AGAP3: variants seen among roughly 807,000 people sequenced by gnomAD.
AGAP3 encodes arf-GAP with GTPase, ANK repeat and PH domain-containing protein 3.
In AGAP3, 24 loss-of-function variants were observed where a neutral mutation model predicts 96.9. That is an observed-to-expected ratio of 0.25 (90% CI 0.18 to 0.35). The LOEUF (loss-of-function observed/expected upper bound fraction) is 0.35, where lower values mean the gene tolerates loss of function less well. AGAP3 is among the 10% of genes least tolerant of loss of function. AGAP3 has a pLI of 1.00. For synonymous variants in AGAP3, 563 were observed against 536.1 expected, an observed-to-expected ratio of 1.05 and a Z score of -0.69; for missense variants, 876 against 1,254.2, an observed-to-expected ratio of 0.70 and a Z score of 4.55.
chr7:151,115,505 G>A, intron 1 of AGAP3: 8 of 1,023,808 alleles, frequency 7.8e-6, no homozygotes, highest in East Asian at 9.3e-5. Flanking sequence ...CAGCGCCGGA[G>A]CCCGGCCGCC....
intron 8 of AGAP3, chr7:151,122,819 A>G: frequency 6.2e-7 from 1 of 1,613,416 alleles, no homozygotes; most frequent in Non-Finnish European, 8.5e-7. Flanking sequence ...GCACCTCTGG[A>G]CATGCCCCCT....
chr7:151,128,093 C>T (rs1800251880), intron 9 of AGAP3, among the ~76,000 whole-genome samples: 1 of 152,096 alleles, frequency 6.6e-6, no homozygotes, highest in Non-Finnish European at 1.5e-5. Context: ...GATTTTCTGC[C>T]CTCTTATGGA....
At chr7:151,109,174 AAAAAAAC>A (rs1439387113) in intron 1 of AGAP3, among the ~76,000 whole-genome samples, 47 of 147,340 alleles carry the variant, frequency 3.2e-4, no homozygotes, top group Middle Eastern at 6.8e-3. Flanking sequence ...GTAAAAAAAA[AAAAAAAC>A]AAAAAACAAA....
intron 7 of AGAP3, 55 bp from the exon 8 acceptor site, chr7:151,119,932 G>T (rs1046139563): frequency 4.2e-5 from 67 of 1,589,546 alleles, no homozygotes; most frequent in Non-Finnish European, 5.6e-5. Flanking sequence ...CACCCGCCTG[G>T]TGCCCGTCCC....
In AGAP3 at chr7:151,108,001, C is replaced by T. The variant is rs1040866688; in HGVS notation, c.332-8792C>T. Among the ~76,000 whole-genome samples the T allele has an allele frequency of 2.6e-5, 4 of 152,208 alleles. No homozygotes were observed. Among genetic ancestry groups the T allele is most frequent in the African/African-American group, 7.2e-5 (3 of 41,452 alleles). ...GGTGTAGGATCCTCTGGCACGGCAC[C>T]GGCCCATGCGGGGGGTGCAGCACAT... On this transcript the variant is annotated intron_variant, in intron 1 of 17. Coordinates refer to ENST00000397238, the MANE Select transcript of AGAP3 (RefSeq NM_031946.7). This position sits in a 1 kb window ranked among gnomAD's most constrained non-coding sequence, Gnocchi z 4.2.
chr7:151,086,697 G>C lies in AGAP3; in HGVS notation c.-45G>C. On this transcript the variant is annotated 5_prime_UTR_variant, in exon 1 of 18. Transcript: ENST00000397238. ...CGCCGCCGCCGCCGCCGCCGCCTCCGCCGCGCCGCCCCGGGCCCGCCTCGG... is the reference window on the plus strand; with the variant it reads ...CGCCGCCGCCGCCGCCGCCGCCTCCCCCGCGCCGCCCCGGGCCCGCCTCGG... 2 of 312,836 alleles carry C rather than the reference G, an allele frequency of 6.4e-6. No individual in the cohort carries two copies. The highest frequency in any genetic ancestry group is 9.0e-6 in the Non-Finnish European group (2 of 221,424). The allele number at this position is 312,836 out of a possible 1,614,324, so 19.4% of individuals were successfully genotyped here.
In AGAP3 at chr7:151,108,006, C is replaced by T. The variant is rs1254545887; in HGVS notation, c.332-8787C>T. Reference sequence around the variant, plus strand: ...AGGATCCTCTGGCACGGCACCGGCCCATGCGGGGGGTGCAGCACATGCTGG... The same window carrying T: ...AGGATCCTCTGGCACGGCACCGGCCTATGCGGGGGGTGCAGCACATGCTGG... On this transcript the variant is annotated intron_variant, in intron 1 of 17. Transcript: ENST00000397238. This position sits in a 1 kb window ranked among gnomAD's most constrained non-coding sequence, Gnocchi z 4.2. Among the ~76,000 whole-genome samples the T allele has an allele frequency of 6.6e-6, 1 of 152,218 alleles. No individual in the cohort carries two copies.
At chr7:151,130,926 C>CA (rs1800378659) in intron 10 of AGAP3, 1 of 152,350 alleles carries the variant, frequency 6.6e-6, no homozygotes, top group Non-Finnish European at 1.5e-5. Context: ...CAGCAATGAG[C>CA]AGGCCACCTC....
intron 1 of AGAP3, among the ~76,000 whole-genome samples, chr7:151,098,129 C>A (rs1484698143): frequency 6.6e-6 from 1 of 151,940 alleles, no homozygotes; most frequent in African/African-American, 2.4e-5. Flanking sequence ...GAGGCCGAGG[C>A]AGGCAGATCA....
intron 1 of AGAP3, among the ~76,000 whole-genome samples, chr7:151,111,337 CA>C (rs1377619822): frequency 1.3e-5 from 2 of 152,336 alleles, no homozygotes; most frequent in African/African-American, 4.8e-5. Context: ...GAGCTGGCCA[CA>C]AGCTCCGGCT....
chr7:151,125,950 C>T (rs930544217), intron 9 of AGAP3, among the ~76,000 whole-genome samples: 1 of 151,962 alleles, frequency 6.6e-6, no homozygotes, highest in Non-Finnish European at 1.5e-5. Context: ...CGCAGCCGGC[C>T]GGCCGGGGAG....
intron 1 of AGAP3, chr7:151,090,662 G>A (rs1044011717): frequency 1.3e-5 from 2 of 152,446 alleles, no homozygotes; most frequent in African/African-American, 4.8e-5. Context: ...CGGTGCATGT[G>A]GCCGGGTACA....
At chr7:151,132,314 G>A (rs768925869) in intron 10 of AGAP3, among the ~76,000 whole-genome samples, 6 of 152,188 alleles carry the variant, frequency 3.9e-5, no homozygotes, top group African/African-American at 4.8e-5. Flanking sequence ...CTGATTCCTC[G>A]GTTATGTCGT....
rs190169497 is a variant in AGAP3, at chr7:151,104,989, G to A, written c.332-11804G>A. On this transcript the variant is annotated intron_variant, in intron 1 of 17. Transcript: ENST00000397238. ...GCGGGGCGGTTTGGTGTGAACTGCAGCGTGAGCAGGAGCTGGGAAGACAGT... is the reference window on the plus strand; with the variant it reads ...GCGGGGCGGTTTGGTGTGAACTGCAACGTGAGCAGGAGCTGGGAAGACAGT... Among the ~76,000 whole-genome samples, 855 of 152,370 alleles carry A rather than the reference G, an allele frequency of 5.6e-3. 5 individuals are homozygous for A. Among genetic ancestry groups the A allele is most frequent in the Middle Eastern group, 0.017 (5 of 294 alleles).
chr7:151,114,681 G>T lies in AGAP3; in HGVS notation c.332-2112G>T, dbSNP rs559864876. ...GGCCCACACCAGGTGCCCAGAGGCC[G>T]GAGGTCCGTGCGCCCCGGCCGCGGC... On this transcript the variant is annotated intron_variant, in intron 1 of 17. Coordinates refer to ENST00000397238, the MANE Select transcript of AGAP3 (RefSeq NM_031946.7). This position sits in a 1 kb window ranked among gnomAD's most constrained non-coding sequence, Gnocchi z 4.4. The T allele has an allele frequency of 2.0e-6, 2 of 989,546 alleles. No homozygotes were observed. Among genetic ancestry groups the T allele is most frequent in the African/African-American group, 1.7e-5 (1 of 57,314 alleles). 61.3% of individuals were successfully genotyped at this position (989,546 alleles called of 1,614,324 possible). A position where few individuals can be genotyped will look rare whatever the true frequency, so the allele number is the denominator to read the frequency against.
At position 151,138,158 on chromosome 7, in the gene AGAP3, CCAG is replaced by C; in HGVS notation, c.1516_1518del (p.Ser506del). 1 of 1,602,382 alleles carries C rather than the reference CCAG, an allele frequency of 6.2e-7. No individual in the cohort carries two copies. The highest frequency in any genetic ancestry group is 1.1e-5 in the South Asian group (1 of 89,228). Reference sequence around the variant, plus strand: ...CCGCCCCCAGGTGCCCCCCACTCGGCCAGCAGCGCATCCCTGCACTCTGAGCGC... The same window carrying C: ...CCGCCCCCAGGTGCCCCCCACTCGGCCAGCGCATCCCTGCACTCTGAGCGC... On this transcript the variant is annotated inframe_deletion, in exon 12 of 18. Coordinates refer to ENST00000397238, the MANE Select transcript of AGAP3 (RefSeq NM_031946.7).
chr7:151,130,362 A>AG, intron 10 of AGAP3, among the ~76,000 whole-genome samples: 1 of 152,274 alleles, frequency 6.6e-6, no homozygotes, highest in African/African-American at 2.4e-5. Context: ...AGCAGAGCTC[A>AG]GGGGGGTTGG....
intron 1 of AGAP3, chr7:151,115,712 C>T: frequency 2.0e-6 from 2 of 980,184 alleles, no homozygotes; most frequent in Admixed American, 5.4e-5. Flanking sequence ...GCGCCCAGGG[C>T]AGGCGAGCTG....
In AGAP3 at chr7:151,117,700, C is replaced by T. The variant is rs369279193; in HGVS notation, c.629C>T (p.Thr210Met). 42 of 1,614,080 alleles carry T rather than the reference C, an allele frequency of 2.6e-5. No homozygotes were observed. The highest frequency in any genetic ancestry group is 1.6e-4 in the Middle Eastern group (1 of 6,084). ...FSLEDEISFQ[T>M]VYNYFLRLCS... ...CTGGAGGATGAAATCAGTTTCCAGACGGTGTACAACTACTTCCTGCGTCTC... is the reference window on the plus strand; with the variant it reads ...CTGGAGGATGAAATCAGTTTCCAGATGGTGTACAACTACTTCCTGCGTCTC... The change falls in exon 5 of 18, where the codon ACG becomes ATG. Residue 210 changes from threonine to methionine, a missense_variant. Physicochemically the swap from Thr to Met is moderately conservative, Grantham distance 81. This residue lies in a region of AGAP3 where 131 missense variants were observed against 304.5 expected (regional missense o/e 0.43). Coordinates refer to ENST00000397238, the MANE Select transcript of AGAP3 (RefSeq NM_031946.7).
Sources: gnomAD v4.1 joint callset for allele counts (sites outside exome capture counted in the v4.1 genomes callset) on GRCh38, gnomAD v4.1.1 for gene constraint, gnomAD v4.1.1 regional missense constraint, Gnocchi (gnomAD v3.1) non-coding constraint, MANE v1.5 for transcripts, NCBI Gene and HGNC (gene_info 2026-07-23, HGNC 2026-07-21) for gene names.